The following PRKG1 variants were observed in gnomAD, a reference collection of about 807,000 sequenced individuals.
PRKG1 encodes the protein protein kinase cGMP-dependent 1.
In PRKG1, 35 loss-of-function variants were observed where a neutral mutation model predicts 88.1. The observed-to-expected ratio is 0.40, with a 90% CI of 0.30 to 0.53. The LOEUF (loss-of-function observed/expected upper bound fraction) is 0.53. Among genes scored for constraint, PRKG1 ranks in the 20% least tolerant of loss-of-function variants. PRKG1 has a pLI of 0.59. For synonymous variants in PRKG1, 303 were observed against 292.5 expected (o/e 1.04, Z -0.37); for missense variants, 540 against 839.8 (o/e 0.64, Z 4.41).
chr10:51,545,180 G>A (rs570219924), intron 3 of PRKG1, among the ~76,000 whole-genome samples: 1 of 152,012 alleles, frequency 6.6e-6, no homozygotes, highest in South Asian at 2.1e-4. Context: ...AAAAATTGTA[G>A]ACAATCTACT....
intron 3 of PRKG1, among the ~76,000 whole-genome samples, chr10:51,588,555 T>C (rs2132202335): frequency 1.3e-5 from 2 of 152,316 alleles, no homozygotes; most frequent in South Asian, 4.1e-4. Context: ...AAATGGACTT[T>C]GCGATTTTTA....
intron 7 of PRKG1, among the ~76,000 whole-genome samples, chr10:52,077,124 T>G (rs768605255): frequency 6.6e-6 from 1 of 152,188 alleles, no homozygotes; most frequent in Non-Finnish European, 1.5e-5. Context: ...ATAGCAGCTT[T>G]ATATTTAATA....
chr10:51,411,854 G>A (rs1411922168), intron 2 of PRKG1, among the ~76,000 whole-genome samples: 5 of 152,102 alleles, frequency 3.3e-5, no homozygotes. Context: ...TGAAGGACAT[G>A]GATTTAAAAC....
At chr10:51,172,961 G>A (rs1837084509) in intron 2 of PRKG1, among the ~76,000 whole-genome samples, 1 of 151,940 alleles carries the variant, frequency 6.6e-6, no homozygotes, top group African/African-American at 2.4e-5. Flanking sequence ...CACATGGATG[G>A]TGTTTTATTC....
Position 52,256,505 on chromosome 10 carries a change from A to G in PRKG1, c.1173+4839A>G, listed in dbSNP as rs757800708. Among the ~76,000 whole-genome samples, 2 of 139,614 alleles carry G rather than the reference A, an allele frequency of 1.4e-5. 1 individual carries two copies. The highest frequency in any genetic ancestry group is 1.5e-4 in the Admixed American group (2 of 13,332). 91.6% of individuals were successfully genotyped at this position (139,614 alleles called of 152,430 possible). Reference sequence around the variant, plus strand: ...CCTTGCTTTTCTTGTCTCTGAAATGATGATAATAATAGGATATGTACCTCA... The same window carrying G: ...CCTTGCTTTTCTTGTCTCTGAAATGGTGATAATAATAGGATATGTACCTCA... On this transcript the variant is annotated intron_variant, in intron 10 of 17. Transcript: ENST00000373980.
Position 52,290,594 on chromosome 10 carries a change from A to T in PRKG1, c.1962+304A>T, listed in dbSNP as rs566248637. On this transcript the variant is annotated intron_variant, in intron 17 of 17. Coordinates refer to ENST00000373980, the MANE Select transcript of PRKG1 (RefSeq NM_006258.4). ...AAATGTTCAAAATATAGAAATGCAGACAAAAATATATAGGTGAGAGGATCA... is the reference window on the plus strand; with the variant it reads ...AAATGTTCAAAATATAGAAATGCAGTCAAAAATATATAGGTGAGAGGATCA... Among the ~76,000 whole-genome samples, 15 of 152,234 alleles carry T rather than the reference A, an allele frequency of 9.9e-5. No individual in the cohort carries two copies. In the South Asian group the frequency reaches 2.7e-3, roughly 27 times the overall value.
chr10:52,037,836 A>G (rs2133223532), intron 5 of PRKG1, among the ~76,000 whole-genome samples: 1 of 151,806 alleles, frequency 6.6e-6, no homozygotes, highest in South Asian at 2.1e-4. Flanking sequence ...AGGAAGGGAG[A>G]GGTCAGATGG....
intron 2 of PRKG1, among the ~76,000 whole-genome samples, chr10:51,368,053 C>G (rs1389368789): frequency 6.6e-6 from 1 of 152,024 alleles, no homozygotes; most frequent in Non-Finnish European, 1.5e-5. Context: ...ATCCTACCTG[C>G]TTTCCAGAAA....
rs188965506 is a variant in PRKG1, at chr10:52,174,995, G to A, written c.1076+13032G>A. Among the ~76,000 whole-genome samples the A allele has an allele frequency of 2.2e-3, 332 of 152,104 alleles. 1 individual carries two copies. Among genetic ancestry groups the A allele is most frequent in the African/African-American group, 7.0e-3 (290 of 41,548 alleles). On this transcript the variant is annotated intron_variant, in intron 9 of 17. Transcript: ENST00000373980. ...TCTCAAACATTTATGATTTCTCTGT[G>A]TTGGGAACATTCAATATCACCCTTT...
intron 9 of PRKG1, among the ~76,000 whole-genome samples, chr10:52,183,278 C>T (rs533688705): frequency 1.2e-4 from 18 of 152,286 alleles, no homozygotes; most frequent in Non-Finnish European, 1.5e-4. Flanking sequence ...TGAATATGGG[C>T]ATGGGGCTTT....
At chr10:52,037,694 G>T (rs1013865083) in intron 5 of PRKG1, among the ~76,000 whole-genome samples, 1 of 152,182 alleles carries the variant, frequency 6.6e-6, no homozygotes, top group Non-Finnish European at 1.5e-5. Flanking sequence ...GAGGGGGAGG[G>T]CTAGTCATGG....
intron 4 of PRKG1, among the ~76,000 whole-genome samples, chr10:51,866,897 T>C (rs887965227): frequency 1.3e-5 from 2 of 152,274 alleles, no homozygotes; most frequent in Non-Finnish European, 2.9e-5. Context: ...CTTAAGGAAC[T>C]CTCTATCCCC....
At chr10:51,079,308 A>G (rs1589136929) in intron 1 of PRKG1, among the ~76,000 whole-genome samples, 3 of 152,330 alleles carry the variant, frequency 2.0e-5, no homozygotes, top group Admixed American at 6.5e-5. Flanking sequence ...GGAGATAACT[A>G]AGAGAGTTGG....
intron 9 of PRKG1, among the ~76,000 whole-genome samples, chr10:52,218,584 C>T (rs892310517): frequency 6.6e-6 from 1 of 152,048 alleles, no homozygotes; most frequent in Non-Finnish European, 1.5e-5. Context: ...GCAGTATTCT[C>T]CAACCTGAAT....
chr10:51,309,725 C>T (rs1420035411), intron 2 of PRKG1, among the ~76,000 whole-genome samples: 2 of 152,054 alleles, frequency 1.3e-5, no homozygotes, highest in African/African-American at 2.4e-5. Context: ...CCATTCAAAC[C>T]AGCAATACCA....
At chr10:52,111,954 T>C (rs140457375) in intron 7 of PRKG1, among the ~76,000 whole-genome samples, 1 of 152,282 alleles carries the variant, frequency 6.6e-6, no homozygotes, top group East Asian at 1.9e-4. Flanking sequence ...AAATAAAGGA[T>C]TAAAATATTC....
At chr10:51,770,834 G>T (rs1183967882) in intron 3 of PRKG1, among the ~76,000 whole-genome samples, 1 of 152,156 alleles carries the variant, frequency 6.6e-6, no homozygotes. Context: ...TGCTATAAGA[G>T]ACAGTTATTC....
chr10:51,103,163 G>T (rs1844729227), intron 1 of PRKG1, among the ~76,000 whole-genome samples: 1 of 151,836 alleles, frequency 6.6e-6, no homozygotes, highest in Non-Finnish European at 1.5e-5. Flanking sequence ...AAATGAGAGT[G>T]TTCATCCAAG....
At chr10:51,485,749 G>T (rs1192300456) in intron 3 of PRKG1, among the ~76,000 whole-genome samples, 2 of 152,124 alleles carry the variant, frequency 1.3e-5, no homozygotes, top group Non-Finnish European at 2.9e-5. Flanking sequence ...AAACAAAAGG[G>T]GCAAGACACT....
Sources: allele counts gnomAD v4.1 joint callset (sites outside exome capture counted in the v4.1 genomes callset), GRCh38; gene constraint gnomAD v4.1.1; transcripts MANE v1.5; gene names NCBI Gene and HGNC (gene_info 2026-07-23, HGNC 2026-07-21).